The following COL5A2 variants were observed in gnomAD, a reference collection of about 807,000 sequenced individuals.
COL5A2 encodes the protein collagen type V alpha 2 chain, also known as collagen alpha-2(V) chain.
COL5A2 carries 23 observed loss-of-function variants against 208.2 expected under a neutral mutation model. The observed-to-expected ratio is 0.11, with a 90% CI of 0.08 to 0.16. The LOEUF (loss-of-function observed/expected upper bound fraction) is 0.16. COL5A2 is among the 10% of genes least tolerant of loss of function. The probability of loss-of-function intolerance (pLI) is 1.00; values close to 1 mark genes in which losing one functional copy is unlikely to be tolerated. For missense variants in COL5A2, 1,590 were observed against 1,956.4 expected (o/e 0.81, Z 3.53); for synonymous variants, 625 against 628.5 (o/e 0.99, Z 0.08).
the COL5A2 span, among the ~76,000 whole-genome samples, chr2:189,297,761 C>A: frequency 5.9e-5 from 9 of 152,140 alleles, no homozygotes; most frequent in African/African-American, 2.2e-4. Context: ...CCCCTCAATG[C>A]ACATTTATGC....
At chr2:189,098,578 T>C (rs1686969672) in intron 5 of COL5A2, 149 bp downstream of exon 5, 2 of 667,132 alleles carry the variant, frequency 3.0e-6, no homozygotes, top group Non-Finnish European at 5.4e-6. Context: ...AAGCAATGTC[T>C]AACTTGAAGA....
intron 5 of COL5A2, chr2:189,097,576 T>C: frequency 3.0e-6 from 2 of 661,378 alleles, no homozygotes; most frequent in South Asian, 1.5e-5. Context: ...TCATGGAGCA[T>C]AGTGAGCTAA....
intron 1 of COL5A2, among the ~76,000 whole-genome samples, chr2:189,177,461 T>C (rs1421918094): frequency 6.6e-6 from 1 of 152,228 alleles, no homozygotes; most frequent in Non-Finnish European, 1.5e-5. Flanking sequence ...CAGCTCTGAA[T>C]ATACTATACT....
At position 189,033,190 on chromosome 2, in the gene COL5A2, T is replaced by C. The variant is rs141987772; in HGVS notation, c.*880A>G. ...TTGTACATGTGGAAGAGTCTCAATTTAGAGTCCTTGGACATATGTTTGTAA... is the reference window on the plus strand; with the variant it reads ...TTGTACATGTGGAAGAGTCTCAATTCAGAGTCCTTGGACATATGTTTGTAA... On this transcript the variant is annotated 3_prime_UTR_variant, in exon 54 of 54. Coordinates refer to ENST00000374866, the MANE Select transcript of COL5A2 (RefSeq NM_000393.5). The C allele has an allele frequency of 3.9e-5, 6 of 152,696 alleles. No individual in the cohort carries two copies. Among genetic ancestry groups the C allele is most frequent in the African/African-American group, 1.4e-4 (6 of 41,580 alleles). 9.5% of individuals were successfully genotyped at this position (152,696 alleles called of 1,614,324 possible). A position where few individuals can be genotyped will look rare whatever the true frequency, so the allele number is the denominator to read the frequency against.
At position 189,072,195 on chromosome 2, in the gene COL5A2, A is replaced by G. The variant is rs1686290457; in HGVS notation, c.1105-102T>C. 8.0e-6 allele frequency: 6 copies of G among 748,302 alleles called. No individual in the cohort carries two copies. In the Admixed American group the frequency reaches 1.4e-4, roughly 17 times the overall value. The allele number at this position is 748,302 out of a possible 1,614,324, so 46.4% of individuals were successfully genotyped here. On this transcript the variant is annotated intron_variant, in intron 17 of 53. Coordinates refer to ENST00000374866, the MANE Select transcript of COL5A2 (RefSeq NM_000393.5). ...GTCATTTTGTATTAGACACATAAGA[A>G]TAACCTGCCTTTCACTTTAAAATTA...
At chr2:189,328,938 CA>C in the COL5A2 span, among the ~76,000 whole-genome samples, 3 of 151,934 alleles carry the variant, frequency 2.0e-5, no homozygotes, top group Non-Finnish European at 2.9e-5. Flanking sequence ...GTTGGGAAGT[CA>C]AAAAAATTAC....
the COL5A2 span, among the ~76,000 whole-genome samples, chr2:189,302,033 C>T: frequency 6.6e-5 from 10 of 152,206 alleles, 1 homozygote; most frequent in South Asian, 8.3e-4. Context: ...AACTTTTCTA[C>T]GAATTTCCTC....
At chr2:189,226,649 A>G (rs1251631229), upstream of COL5A2, among the ~76,000 whole-genome samples, 1 of 152,088 alleles carries the variant, frequency 6.6e-6, no homozygotes, top group Non-Finnish European at 1.5e-5. Context: ...CATACTCTAG[A>G]TGCTTGGGGG....
At chr2:189,364,397 T>C in the COL5A2 span, among the ~76,000 whole-genome samples, 1 of 152,142 alleles carries the variant, frequency 6.6e-6, no homozygotes, top group African/African-American at 2.4e-5. Flanking sequence ...TTAAGAAGTA[T>C]ATAGCAAGGT....
the COL5A2 span, among the ~76,000 whole-genome samples, chr2:189,427,167 T>C: frequency 6.6e-6 from 1 of 152,220 alleles, no homozygotes; most frequent in Non-Finnish European, 1.5e-5. Flanking sequence ...CTCTGCCCCA[T>C]GCAGCCTCAG....
the COL5A2 span, among the ~76,000 whole-genome samples, chr2:189,306,459 G>A: frequency 3.3e-5 from 5 of 152,074 alleles, no homozygotes; most frequent in African/African-American, 1.2e-4. Flanking sequence ...CCACATAACA[G>A]GACCTATAAT....
At chr2:189,318,487 A>T in the COL5A2 span, among the ~76,000 whole-genome samples, 1 of 152,264 alleles carries the variant, frequency 6.6e-6, no homozygotes, top group South Asian at 2.1e-4. Context: ...AAGGGGGCTA[A>T]TTCATTGCCA....
At chr2:189,423,764 A>G in the COL5A2 span, among the ~76,000 whole-genome samples, 2 of 152,280 alleles carry the variant, frequency 1.3e-5, no homozygotes, top group South Asian at 4.1e-4. Context: ...TGGTGGCTTC[A>G]TTGCTGAATT....
At chr2:189,367,312 A>G in the COL5A2 span, among the ~76,000 whole-genome samples, 1 of 152,170 alleles carries the variant, frequency 6.6e-6, no homozygotes, top group African/African-American at 2.4e-5. Context: ...CAGACAAACT[A>G]TGATAGTCAG....
At position 189,039,368 on chromosome 2, in the gene COL5A2, T is replaced by C; in HGVS notation, c.3829A>G (p.Ser1277Gly). 1 of 1,614,112 alleles carries C rather than the reference T, an allele frequency of 6.2e-7. No homozygotes were observed. The highest frequency in any genetic ancestry group is 8.5e-7 in the Non-Finnish European group (1 of 1,180,022). The change falls in exon 51 of 54, where the codon AGT becomes GGT. Residue 1277 changes from serine to glycine, a missense_variant. Physicochemically the swap from Ser to Gly is moderately conservative, Grantham distance 56. Coordinates refer to ENST00000374866, the MANE Select transcript of COL5A2 (RefSeq NM_000393.5). ...GGGCTGCGCATGGTTTCAATCTGAC[T>C]ACTGAGTGACTTCAGGGTAGCATGA... ...GVHATLKSLS[S>G]QIETMRSPDG... is the part of the protein sequence containing the mutation.
At chr2:189,147,427 A>G (rs1385893592) in intron 1 of COL5A2, among the ~76,000 whole-genome samples, 4 of 152,186 alleles carry the variant, frequency 2.6e-5, no homozygotes, top group Non-Finnish European at 5.9e-5. Flanking sequence ...ACTTTCAACC[A>G]GGTGATCTGG....
intron 1 of COL5A2, among the ~76,000 whole-genome samples, chr2:189,224,457 G>A (rs1158922930): frequency 6.6e-6 from 1 of 152,082 alleles, no homozygotes; most frequent in Non-Finnish European, 1.5e-5. Context: ...GGGAGGCTGA[G>A]GCGGGCGGAT....
At chr2:189,249,789 T>C in the COL5A2 span, among the ~76,000 whole-genome samples, 2 of 150,810 alleles carry the variant, frequency 1.3e-5, no homozygotes, top group African/African-American at 4.9e-5. Context: ...CTCCACCTCC[T>C]GGATTCAACT....
At chr2:189,207,926 T>C (rs1427408251) in intron 1 of COL5A2, among the ~76,000 whole-genome samples, 3 of 152,226 alleles carry the variant, frequency 2.0e-5, no homozygotes, top group Admixed American at 2.0e-4. Flanking sequence ...TCATCCGCTT[T>C]GACTCAACTT....
Sources: gnomAD v4.1 joint callset for allele counts (sites outside exome capture counted in the v4.1 genomes callset) on GRCh38, gnomAD v4.1.1 for gene constraint, MANE v1.5 for transcripts, NCBI Gene and HGNC (gene_info 2026-07-23, HGNC 2026-07-21) for gene names.